SLC35F4: variants seen among roughly 807,000 people sequenced by gnomAD.
The protein encoded by SLC35F4 is solute carrier family 35 member F4, also known as chromosome 14 open reading frame 36.
Under a neutral mutation model 44.2 loss-of-function variants are expected in SLC35F4, and 24 were observed. That is an observed-to-expected ratio of 0.54 (90% CI 0.39 to 0.76). SLC35F4 has a LOEUF of 0.76. SLC35F4 is among the 30% of genes least tolerant of loss of function. The pLI, the probability that SLC35F4 is intolerant of heterozygous loss-of-function variation, is 0.00. For missense variants in SLC35F4, 562 were observed against 586.1 expected (o/e 0.96, Z 0.42); for synonymous variants, 238 against 223.6 (o/e 1.06, Z -0.57).
intron 1 of SLC35F4, among the ~76,000 whole-genome samples, chr14:57,905,522 G>T (rs770462858): frequency 4.6e-5 from 7 of 152,250 alleles, no homozygotes; most frequent in Non-Finnish European, 8.8e-5. Context: ...GCACTTAGCA[G>T]ATTACATTCT....
At chr14:57,921,248 A>G (rs530617636) in intron 1 of SLC35F4, among the ~76,000 whole-genome samples, 78 of 152,308 alleles carry the variant, frequency 5.1e-4, no homozygotes, top group African/African-American at 1.7e-3. Flanking sequence ...TTAGAATCCA[A>G]GTCAATATTG....
chr14:57,939,591 G>A (rs1409527809), intron 1 of SLC35F4, among the ~76,000 whole-genome samples: 1 of 152,160 alleles, frequency 6.6e-6, no homozygotes, highest in Non-Finnish European at 1.5e-5. Context: ...AAATCTCAGA[G>A]CGAGGAAGGG....
intron 1 of SLC35F4, among the ~76,000 whole-genome samples, chr14:57,937,590 GAAAAGAAAAGAAAAGAAAAGAAAAGAA>G (rs1292807885): frequency 7.0e-5 from 1 of 14,344 alleles, no homozygotes; most frequent in Non-Finnish European, 1.2e-4. Flanking sequence ...AGAAAAGAAA[GAAAAGAAAAGAAAAGAAAAGAAAAGAA>G]AAGAAAAGAA....
At position 57,603,042 on chromosome 14, in the gene SLC35F4, T is replaced by C. The variant is rs182359352; in HGVS notation, c.104-8918A>G. 5.3e-3 allele frequency among the ~76,000 whole-genome samples: 805 copies of C among 152,360 alleles called. 6 individuals carry two copies. Among genetic ancestry groups the C allele is most frequent in the Middle Eastern group, 0.017 (5 of 294 alleles). Reference sequence around the variant, plus strand: ...AGCCTTGTTACTCTTTACACCTCTGTTATCTGTAGAATTAGATTGTGGAGT... The same window carrying C: ...AGCCTTGTTACTCTTTACACCTCTGCTATCTGTAGAATTAGATTGTGGAGT... On this transcript the variant is annotated intron_variant, in intron 1 of 7. Transcript: ENST00000556826.
chr14:57,952,123 G>A (rs918105898), intron 1 of SLC35F4, among the ~76,000 whole-genome samples: 25 of 152,190 alleles, frequency 1.6e-4, no homozygotes, highest in Non-Finnish European at 3.7e-4. Context: ...TGCAGCCTTC[G>A]CTGGTGATAC....
At chr14:57,794,287 G>A (rs1412361012) in intron 1 of SLC35F4, among the ~76,000 whole-genome samples, 1 of 152,062 alleles carries the variant, frequency 6.6e-6, no homozygotes, top group Non-Finnish European at 1.5e-5. Context: ...GAAAATATCT[G>A]CAAACTATAC....
intron 1 of SLC35F4, among the ~76,000 whole-genome samples, chr14:57,738,562 T>C (rs899403193): frequency 1.2e-4 from 18 of 152,048 alleles, no homozygotes; most frequent in Middle Eastern, 3.4e-3. Context: ...GTATAGATTA[T>C]ATAATACATG....
At chr14:57,857,274 C>T (rs1275920279) in intron 1 of SLC35F4, among the ~76,000 whole-genome samples, 1 of 150,888 alleles carries the variant, frequency 6.6e-6, no homozygotes, top group African/African-American at 2.4e-5. Context: ...AAGACTTCAT[C>T]TCAAAAAAAA....
intron 1 of SLC35F4, among the ~76,000 whole-genome samples, chr14:57,655,519 C>G (rs2073938808): frequency 6.6e-6 from 1 of 152,136 alleles, no homozygotes; most frequent in African/African-American, 2.4e-5. Context: ...GAGGGGAGGA[C>G]AGTTAGAGCT....
chr14:57,924,095 C>T (rs1205043419), intron 1 of SLC35F4, among the ~76,000 whole-genome samples: 2 of 152,220 alleles, frequency 1.3e-5, no homozygotes, highest in African/African-American at 4.8e-5. Context: ...ATGTGACTTG[C>T]TCCTCCTTGC....
At chr14:57,894,919 G>A (rs984307501) in intron 1 of SLC35F4, among the ~76,000 whole-genome samples, 1 of 152,128 alleles carries the variant, frequency 6.6e-6, no homozygotes, top group Non-Finnish European at 1.5e-5. Context: ...ATATAACTAA[G>A]GAGCTGGTGA....
At chr14:57,937,348 G>A (rs191556031) in intron 1 of SLC35F4, among the ~76,000 whole-genome samples, 8 of 152,098 alleles carry the variant, frequency 5.3e-5, no homozygotes, top group Admixed American at 2.0e-4. Flanking sequence ...GATTACAGGC[G>A]CGAGCCACCG....
At chr14:57,694,943 T>G (rs937118220) in intron 1 of SLC35F4, among the ~76,000 whole-genome samples, 2 of 152,244 alleles carry the variant, frequency 1.3e-5, no homozygotes, top group African/African-American at 4.8e-5. Context: ...GGATTTTCTA[T>G]GTACAAAATA....
rs150744701 is a variant in SLC35F4, at chr14:57,701,550, C to T, written c.104-107426G>A. ...TGGCGGCATAGTAGGTTGATTTACACCAGCATCACCACAAACACATGAGTA... is the reference window on the plus strand; with the variant it reads ...TGGCGGCATAGTAGGTTGATTTACATCAGCATCACCACAAACACATGAGTA... On this transcript the variant is annotated intron_variant, in intron 1 of 7. Transcript: ENST00000556826. Among the ~76,000 whole-genome samples the T allele has an allele frequency of 9.1e-3, 1,381 of 152,188 alleles. 62 individuals are homozygous for T. Among genetic ancestry groups the T allele is most frequent in the Admixed American group, 0.083 (1,265 of 15,266 alleles).
intron 1 of SLC35F4, among the ~76,000 whole-genome samples, chr14:57,653,885 A>C (rs1183214094): frequency 6.6e-6 from 1 of 152,168 alleles, no homozygotes; most frequent in Non-Finnish European, 1.5e-5. Context: ...CCCAAGATCA[A>C]GGTATTGATA....
chr14:57,722,706 A>G (rs2076114662), intron 1 of SLC35F4, among the ~76,000 whole-genome samples: 1 of 152,234 alleles, frequency 6.6e-6, no homozygotes, highest in Admixed American at 6.5e-5. Flanking sequence ...GAGCTCTGGC[A>G]TTGGCTAATT....
rs1566800995 is a variant in SLC35F4 at position 57,728,429 on chromosome 14, TTTTC to T, written c.104-134309_104-134306del. On this transcript the variant is annotated intron_variant, in intron 1 of 7. Coordinates refer to ENST00000556826, the MANE Select transcript of SLC35F4 (RefSeq NM_001306087.2). ...GTACCTTCCATTGATTTTTCTTCTT[TTTTC>T]TTTCTTTCTTTTTTTTTTTTTTTTT... 7.1e-4 allele frequency among the ~76,000 whole-genome samples: 82 copies of T among 116,064 alleles called. 1 individual carries two copies. The highest frequency in any genetic ancestry group is 5.2e-3 in the South Asian group (17 of 3,246). The allele number at this position is 116,064 out of a possible 152,430, so 76.1% of individuals were successfully genotyped here.
In SLC35F4 at chr14:57,798,269, A is replaced by T. The variant is rs561400339; in HGVS notation, c.103+67454T>A. Among the ~76,000 whole-genome samples the T allele has an allele frequency of 2.2e-4, 33 of 152,292 alleles. No homozygotes were observed. The East Asian group carries it at 4.0e-3, about 19-fold the overall frequency. On this transcript the variant is annotated intron_variant, in intron 1 of 7. Coordinates refer to ENST00000556826, the MANE Select transcript of SLC35F4 (RefSeq NM_001306087.2). ...GGAGAAAATGCCTAGAGGACCTGAG[A>T]GGCTAAACACCTAGGTAGGTATCAC... is the stretch of plus-strand genomic sequence containing the variant.
intron 1 of SLC35F4, among the ~76,000 whole-genome samples, chr14:57,693,682 A>G (rs766698179): frequency 6.6e-6 from 1 of 152,174 alleles, no homozygotes; most frequent in African/African-American, 2.4e-5. Context: ...TCAGCTCTGA[A>G]GGCTGTGAGA....
Sources: gnomAD v4.1 joint callset for allele counts (sites outside exome capture counted in the v4.1 genomes callset) on GRCh38, gnomAD v4.1.1 for gene constraint, MANE v1.5 for transcripts, NCBI Gene and HGNC (gene_info 2026-07-23, HGNC 2026-07-21) for gene names.